Variants in SMURF1 observed in about 807,000 individuals in gnomAD.
The protein encoded by SMURF1 is SMAD specific E3 ubiquitin protein ligase 1, also known as E3 ubiquitin-protein ligase SMURF1.
In SMURF1, 44 loss-of-function variants were observed where a neutral mutation model predicts 98.0. That is an observed-to-expected ratio of 0.45 (90% CI 0.35 to 0.58). The LOEUF is 0.58. Among genes scored for constraint, SMURF1 ranks in the 20% least tolerant of loss-of-function variants. SMURF1 has a pLI of 0.00. For synonymous variants in SMURF1, 396 were observed against 374.9 expected (o/e 1.06, Z -0.65); for missense variants, 687 against 938.4 (o/e 0.73, Z 3.50).
intron 1 of SMURF1, among the ~76,000 whole-genome samples, chr7:99,091,018 C>T (rs1414529864): frequency 6.6e-6 from 1 of 152,148 alleles, no homozygotes; most frequent in Non-Finnish European, 1.5e-5. Flanking sequence ...ACTCAGTATC[C>T]ATGGCTACAA....
rs113194877 is a variant in SMURF1, at chr7:99,132,699, GAC to G, written c.55+11025_55+11026del. 1.1e-3 allele frequency among the ~76,000 whole-genome samples: 156 copies of G among 147,206 alleles called. 1 individual carries two copies. Among genetic ancestry groups the G allele is most frequent in the East Asian group, 4.2e-3 (21 of 4,968 alleles). On this transcript the variant is annotated intron_variant, in intron 1 of 17. Transcript: ENST00000361368. ...TATTATAACATCACACAGACACACG[GAC>G]ACACACACACACACACACACACACA...
chr7:99,108,955 T>C (rs185985615), intron 1 of SMURF1, among the ~76,000 whole-genome samples: 32 of 152,262 alleles, frequency 2.1e-4, no homozygotes, highest in Admixed American at 9.2e-4. Flanking sequence ...AGAAGTGACA[T>C]GTTAAGGGAA....
At chr7:99,079,703 C>T (rs2150566567) in intron 1 of SMURF1, among the ~76,000 whole-genome samples, 1 of 152,240 alleles carries the variant, frequency 6.6e-6, no homozygotes, top group Non-Finnish European at 1.5e-5. Context: ...TAAATCCACA[C>T]ATCTGGAAAT....
intron 1 of SMURF1, among the ~76,000 whole-genome samples, chr7:99,112,080 C>T (rs570684641): frequency 4.5e-4 from 68 of 152,238 alleles, no homozygotes; most frequent in African/African-American, 1.4e-3. Context: ...GAATGAGATA[C>T]TTTAGGGAAT....
rs566451642 is a variant in SMURF1 at position 99,040,152 on chromosome 7, C to G, written c.1550+226G>C. ...GTTTTTTTGTATTTTTTTGCAGTAA[C>G]GGGGTCTCACTGTGTTGCCCAGGCT... On this transcript the variant is annotated intron_variant, in intron 13 of 17. Coordinates refer to ENST00000361368, the MANE Select transcript of SMURF1 (RefSeq NM_181349.3). Among the ~76,000 whole-genome samples the G allele has an allele frequency of 7.9e-5, 12 of 152,232 alleles. No homozygotes were observed. The East Asian group carries it at 2.3e-3, about 29-fold the overall frequency.
chr7:99,031,519 A>G (rs376081955), intron 17 of SMURF1: 1 of 152,120 alleles, frequency 6.6e-6, no homozygotes, highest in Non-Finnish European at 1.5e-5. Context: ...CAGGGCGGGC[A>G]CTCTTTTTTC....
At chr7:99,079,179 T>C (rs1796527741) in intron 1 of SMURF1, among the ~76,000 whole-genome samples, 1 of 152,208 alleles carries the variant, frequency 6.6e-6, no homozygotes, top group African/African-American at 2.4e-5. Flanking sequence ...GCAGGGCGTG[T>C]GGCCACAGCA....
chr7:99,030,783 A>G, intron 17 of SMURF1, 100 bp from the exon 18 acceptor site: 4 of 702,314 alleles, frequency 5.7e-6, no homozygotes, highest in Admixed American at 2.4e-5. Flanking sequence ...GGGAGGGGAG[A>G]GGAATGGGGG....
rs112056114 is a variant in SMURF1, at chr7:99,032,823, C to CG, written c.2096+213dup. 431 of 719,044 alleles carry CG rather than the reference C, an allele frequency of 6.0e-4. 3 individuals are homozygous for CG. The African/African-American group carries it at 6.5e-3, about 11-fold the overall frequency. 44.5% of individuals were successfully genotyped at this position (719,044 alleles called of 1,614,324 possible). Reference sequence around the variant, plus strand: ...GCCGCTCTATACAGTGTCGTAATGTCGGGGGGAAAGTCTCTTGCTTGAGGG... The same window carrying CG: ...GCCGCTCTATACAGTGTCGTAATGTCGGGGGGGAAAGTCTCTTGCTTGAGGG... On this transcript the variant is annotated intron_variant, in intron 17 of 17. Coordinates refer to ENST00000361368, the MANE Select transcript of SMURF1 (RefSeq NM_181349.3).
chr7:99,117,003 G>A (rs912249646), intron 1 of SMURF1, among the ~76,000 whole-genome samples: 4 of 152,020 alleles, frequency 2.6e-5, no homozygotes, highest in Non-Finnish European at 4.4e-5. Context: ...AGACATTATA[G>A]ATCAACAGGA....
chr7:99,044,247 G>A (rs1795497240), intron 11 of SMURF1, among the ~76,000 whole-genome samples: 2 of 152,152 alleles, frequency 1.3e-5, no homozygotes, highest in South Asian at 2.1e-4. Flanking sequence ...GGGAGGTGGA[G>A]GTAGCAGTGA....
chr7:99,136,818 C>T (rs183244136), intron 1 of SMURF1, among the ~76,000 whole-genome samples: 2 of 152,192 alleles, frequency 1.3e-5, no homozygotes, highest in Non-Finnish European at 2.9e-5. Context: ...GCCGTGGTGG[C>T]ACATGCCTGT....
At chr7:99,063,883 C>T (rs1296543449) in intron 1 of SMURF1, among the ~76,000 whole-genome samples, 1 of 151,704 alleles carries the variant, frequency 6.6e-6, no homozygotes. Context: ...ATCAAGCAAT[C>T]CTCTTGCCTC....
At chr7:99,082,023 T>A (rs1180267451) in intron 1 of SMURF1, among the ~76,000 whole-genome samples, 1 of 152,242 alleles carries the variant, frequency 6.6e-6, no homozygotes, top group Non-Finnish European at 1.5e-5. Context: ...GATTGGCATG[T>A]CTCTGAGACT....
At chr7:99,138,461 C>T (rs1798044606) in intron 1 of SMURF1, among the ~76,000 whole-genome samples, 1 of 152,116 alleles carries the variant, frequency 6.6e-6, no homozygotes, top group African/African-American at 2.4e-5. Context: ...GCCTCCAAAA[C>T]CTTTCTTTCA....
chr7:99,138,697 G>GTCCT (rs1230179323), intron 1 of SMURF1, among the ~76,000 whole-genome samples: 1 of 152,012 alleles, frequency 6.6e-6, no homozygotes, highest in African/African-American at 2.4e-5. Flanking sequence ...CATGTCTAAA[G>GTCCT]TCAGTTGGGT....
intron 13 of SMURF1, among the ~76,000 whole-genome samples, chr7:99,039,193 CAAAAAAAAAAAA>C (rs34106810): frequency 3.5e-4 from 21 of 60,494 alleles, no homozygotes; most frequent in East Asian, 2.8e-3. Flanking sequence ...GACTCTGTCT[CAAAAAAAAAAAA>C]AAAAAAAAAA....
intron 4 of SMURF1, 52 bp from the exon 5 acceptor site, chr7:99,057,322 A>G (rs1361694902): frequency 6.2e-7 from 1 of 1,613,738 alleles, no homozygotes; most frequent in Admixed American, 1.7e-5. Flanking sequence ...CTAGGGAGGA[A>G]GGCAGGAATT....
chr7:99,061,948 AT>A, intron 1 of SMURF1, 111 bp from the exon 2 acceptor site: 1 of 781,750 alleles, frequency 1.3e-6, no homozygotes, highest in Non-Finnish European at 2.0e-6. Flanking sequence ...TTTGCCGAAG[AT>A]TTGACTTTCA....
Sources: gnomAD v4.1 joint callset for allele counts (sites outside exome capture counted in the v4.1 genomes callset) on GRCh38, gnomAD v4.1.1 for gene constraint, MANE v1.5 for transcripts, NCBI Gene and HGNC (gene_info 2026-07-23, HGNC 2026-07-21) for gene names.